FARP1: variants seen among roughly 807,000 people sequenced by gnomAD.
FARP1 encodes FERM, ARHGEF and pleckstrin domain-containing protein 1.
Under a neutral mutation model 128.8 loss-of-function variants are expected in FARP1, and 52 were observed. The observed-to-expected ratio is 0.40, with a 90% CI of 0.32 to 0.51. FARP1 has a LOEUF of 0.51. FARP1 is among the 20% of genes least tolerant of loss of function. The pLI, the probability that FARP1 is intolerant of heterozygous loss-of-function variation, is 0.45. For missense variants in FARP1, 1,333 were observed against 1,367.9 expected, an observed-to-expected ratio of 0.97 and a Z score of 0.40; for synonymous variants, 580 against 551.8, an observed-to-expected ratio of 1.05 and a Z score of -0.72.
chr13:98,232,292 C>T (rs971028173), intron 2 of FARP1, among the ~76,000 whole-genome samples: 3 of 151,960 alleles, frequency 2.0e-5, no homozygotes, highest in Admixed American at 1.3e-4. Context: ...TGAAGGAGAA[C>T]TGCTGGTATT....
intron 1 of FARP1, among the ~76,000 whole-genome samples, chr13:98,191,708 C>T (rs1226720226): frequency 2.6e-5 from 4 of 152,024 alleles, no homozygotes; most frequent in South Asian, 2.1e-4. Flanking sequence ...TTTGGGAGGC[C>T]GAGGCGGGCA....
At chr13:98,422,788 G>C (rs1213237668) in intron 16 of FARP1, among the ~76,000 whole-genome samples, 1 of 152,140 alleles carries the variant, frequency 6.6e-6, no homozygotes, top group Non-Finnish European at 1.5e-5. Flanking sequence ...CAACAGTCAG[G>C]AAGGCTCTGA....
chr13:98,325,769 A>G (rs1887203113), intron 2 of FARP1, among the ~76,000 whole-genome samples: 1 of 152,238 alleles, frequency 6.6e-6, no homozygotes, highest in African/African-American at 2.4e-5. Flanking sequence ...GTCATAAGAA[A>G]GTCTTTGTGG....
At chr13:98,182,872 T>C (rs796678491) in intron 1 of FARP1, among the ~76,000 whole-genome samples, 9 of 152,356 alleles carry the variant, frequency 5.9e-5, no homozygotes, top group African/African-American at 2.2e-4. Context: ...TGCACATGAC[T>C]AGCTTTTTCC....
intron 1 of FARP1, among the ~76,000 whole-genome samples, chr13:98,144,416 G>T (rs1338845290): frequency 6.6e-6 from 1 of 152,140 alleles, no homozygotes; most frequent in Non-Finnish European, 1.5e-5. Flanking sequence ...TTGTCATCTG[G>T]AACAGTTTAG....
rs1186650521 is a variant in FARP1, at chr13:98,213,536, C to T, written c.171+123C>T. On this transcript the variant is annotated intron_variant, in intron 2 of 26. Transcript: ENST00000319562. ...GCTGGAGGTCCTGCATGTTCAGCAC[C>T]TCCCTCCCCGCCCCCCAATGGCCCC... 11 of 974,026 alleles carry T rather than the reference C, an allele frequency of 1.1e-5. No individual in the cohort carries two copies. In the South Asian group the frequency reaches 1.2e-4, roughly 11 times the overall value. The allele number at this position is 974,026 out of a possible 1,614,324, so 60.3% of individuals were successfully genotyped here.
At chr13:98,232,148 T>G (rs9517221) in intron 2 of FARP1, among the ~76,000 whole-genome samples, 48 of 120,234 alleles carry the variant, frequency 4.0e-4, no homozygotes, top group South Asian at 7.2e-4. Flanking sequence ...TTGGTTGGTT[T>G]TTTTTTTTTT....
chr13:98,201,340 C>T (rs1408802675), intron 1 of FARP1, among the ~76,000 whole-genome samples: 2 of 152,208 alleles, frequency 1.3e-5, no homozygotes, highest in Non-Finnish European at 2.9e-5. Flanking sequence ...ATTCAGGAGG[C>T]TGAACGGGGG....
chr13:98,180,896 T>A (rs577349223), intron 1 of FARP1, among the ~76,000 whole-genome samples: 1 of 152,228 alleles, frequency 6.6e-6, no homozygotes, highest in South Asian at 2.1e-4. Context: ...AATGCCTGCA[T>A]AATGATCAAT....
chr13:98,173,659 T>G (rs1183064571), intron 1 of FARP1, among the ~76,000 whole-genome samples: 2 of 152,258 alleles, frequency 1.3e-5, no homozygotes, highest in African/African-American at 4.8e-5. Context: ...TATTGACCAT[T>G]ACGTGTGCCT....
At chr13:98,424,436 C>G in intron 16 of FARP1, 136 bp from the exon 17 acceptor site, 3 of 664,970 alleles carry the variant, frequency 4.5e-6, no homozygotes, top group South Asian at 3.4e-5. Flanking sequence ...GATAACATTC[C>G]ATGACCCCAT....
At chr13:98,307,758 C>T (rs1886230184) in intron 2 of FARP1, among the ~76,000 whole-genome samples, 1 of 152,158 alleles carries the variant, frequency 6.6e-6, no homozygotes, top group African/African-American at 2.4e-5. Flanking sequence ...TGAAGCCTCT[C>T]CGGTCCCTTA....
chr13:98,155,785 C>T (rs866247905), intron 1 of FARP1, among the ~76,000 whole-genome samples: 5 of 152,138 alleles, frequency 3.3e-5, no homozygotes, highest in Non-Finnish European at 7.3e-5. Flanking sequence ...TCCCAAAGTG[C>T]TGGGATTATG....
rs369963967 is a variant in FARP1, at chr13:98,343,757, C to T, written c.172-5C>T. Reference sequence around the variant, plus strand: ...AGGGATAACCCCTGTTGTTTCTGCTCACAGCAAAGAGCTCCTGGGAAGGTG... The same window carrying T: ...AGGGATAACCCCTGTTGTTTCTGCTTACAGCAAAGAGCTCCTGGGAAGGTG... On this transcript the variant is annotated splice_polypyrimidine_tract_variant and splice_region_variant and intron_variant, in intron 2 of 26. Coordinates refer to ENST00000319562, the MANE Select transcript of FARP1 (RefSeq NM_005766.4). 2 of 1,608,754 alleles carry T rather than the reference C, an allele frequency of 1.2e-6. No homozygotes were observed. Among genetic ancestry groups the T allele is most frequent in the Non-Finnish European group, 1.7e-6 (2 of 1,175,284 alleles).
chr13:98,150,846 GT>G (rs1386822825), intron 1 of FARP1, among the ~76,000 whole-genome samples: 1 of 152,102 alleles, frequency 6.6e-6, no homozygotes, highest in Non-Finnish European at 1.5e-5. Context: ...TAGATTTAAA[GT>G]CCCAAACTGA....
chr13:98,382,457 C>G (rs1889920668), intron 6 of FARP1: 1 of 152,190 alleles, frequency 6.6e-6, no homozygotes, highest in Non-Finnish European at 1.5e-5. Context: ...CCATTCGGCT[C>G]TCTTTATATG....
chr13:98,271,907 C>T (rs1210165059), intron 2 of FARP1, among the ~76,000 whole-genome samples: 1 of 152,112 alleles, frequency 6.6e-6, no homozygotes, highest in Non-Finnish European at 1.5e-5. Flanking sequence ...CGTGTGCATG[C>T]TTCCTTATCA....
At chr13:98,162,254 G>A (rs188767415) in intron 1 of FARP1, among the ~76,000 whole-genome samples, 1 of 152,300 alleles carries the variant, frequency 6.6e-6, no homozygotes, top group East Asian at 1.9e-4. Flanking sequence ...AGATGAATCA[G>A]TTAATACTCC....
chr13:98,406,267 T>G (rs556987323), intron 13 of FARP1: 1 of 152,374 alleles, frequency 6.6e-6, no homozygotes, highest in South Asian at 2.1e-4. Flanking sequence ...ATATTTTGTT[T>G]GGACCACGTC....
Sources: allele counts gnomAD v4.1 joint callset (sites outside exome capture counted in the v4.1 genomes callset), GRCh38; gene constraint gnomAD v4.1.1; transcripts MANE v1.5; gene names NCBI Gene and HGNC (gene_info 2026-07-23, HGNC 2026-07-21).